ACOT2: variants seen among roughly 807,000 people sequenced by gnomAD.
ACOT2 encodes the protein acyl-coenzyme A thioesterase 2, mitochondrial.
Under a neutral mutation model 20.1 loss-of-function variants are expected in ACOT2, and 15 were observed. The observed-to-expected ratio is 0.75, with a 90% CI of 0.50 to 1.15. The LOEUF is 1.15. ACOT2 is among the 50% of genes most tolerant of loss of function. ACOT2 has a pLI of 0.00. For missense variants in ACOT2, 479 were observed against 615.3 expected (o/e 0.78, Z 2.34); for synonymous variants, 252 against 268.4 (o/e 0.94, Z 0.60).
chr14:73,575,612 A>G lies in ACOT2; in HGVS notation c.*99A>G. On this transcript the variant is annotated 3_prime_UTR_variant, in exon 3 of 3. Coordinates refer to ENST00000238651, the MANE Select transcript of ACOT2 (RefSeq NM_006821.6). ...TGTATTCATTCTTTTGTTTTTAATAACTAAAGTTTTTTCCCCTCATTATTA... is the reference window on the plus strand; with the variant it reads ...TGTATTCATTCTTTTGTTTTTAATAGCTAAAGTTTTTTCCCCTCATTATTA... 1 of 1,566,028 alleles carries G rather than the reference A, an allele frequency of 6.4e-7. No individual in the cohort carries two copies. The highest frequency in any genetic ancestry group is 1.2e-5 in the South Asian group (1 of 82,560).
chr14:73,569,536 C>T lies in ACOT2; in HGVS notation c.296C>T (p.Ser99Phe). Residue 99 changes from serine to phenylalanine, a missense_variant, in exon 1 of 3, where the codon TCC becomes TTC. Transcript: ENST00000238651. The part of the protein sequence containing the change: ...APEQPVTLRA[S>F]LRDEKGALFQ... ...GAGCAGCCGGTCACGCTGCGCGCGT[C>T]CCTGCGCGACGAGAAGGGCGCGCTT... 1 of 1,606,182 alleles carries T rather than the reference C, an allele frequency of 6.2e-7. No homozygotes were observed. The highest frequency in any genetic ancestry group is 8.5e-7 in the Non-Finnish European group (1 of 1,176,870).
chr14:73,572,174 G>GAAAT (rs33934735), intron 1 of ACOT2, among the ~76,000 whole-genome samples: 1 of 31,688 alleles, frequency 3.2e-5, no homozygotes, highest in Non-Finnish European at 4.8e-5. Flanking sequence ...CTTATAAGAG[G>GAAAT]CCAGATGAGC....
intron 1 of ACOT2, among the ~76,000 whole-genome samples, chr14:73,570,500 C>T (rs1323686164): frequency 6.6e-6 from 1 of 151,914 alleles, no homozygotes; most frequent in East Asian, 1.9e-4. Context: ...ACCCGGGAGG[C>T]AGAGTTTGTA....
upstream of ACOT2, chr14:73,567,733 C>G (rs150781079): frequency 2.0e-5 from 3 of 151,920 alleles, no homozygotes; most frequent in African/African-American, 7.2e-5. Context: ...GCTGTAACAC[C>G]GTGAAGGTAT....
At chr14:73,572,311 G>C (rs1889769110) in intron 1 of ACOT2, among the ~76,000 whole-genome samples, 1 of 150,806 alleles carries the variant, frequency 6.6e-6, no homozygotes, top group South Asian at 2.1e-4. Flanking sequence ...ACAGCTACAA[G>C]AATCAACATC....
rs1291612624 is a variant in ACOT2, at chr14:73,569,604, C to CTGGA, written c.365_368dup (p.Leu124GlyfsTer16). The CTGGA allele has an allele frequency of 6.2e-7, 1 of 1,601,442 alleles. No individual in the cohort carries two copies. The highest frequency in any genetic ancestry group is 8.5e-7 in the Non-Finnish European group (1 of 1,176,086). ...CTACCGCGCCGACACTCTTGGCGAG[C>CTGGA]TGGACCTGGAGCGCGCGCCCGCGCT... On this transcript the variant is annotated frameshift_variant, in exon 1 of 3. Coordinates refer to ENST00000238651, the MANE Select transcript of ACOT2 (RefSeq NM_006821.6). LOFTEE classifies it high-confidence loss of function.
At position 73,575,419 on chromosome 14, in the gene ACOT2, A is replaced by G; in HGVS notation, c.1358A>G (p.His453Arg). The G allele has an allele frequency of 1.5e-6, 2 of 1,343,710 alleles. No individual in the cohort carries two copies. Among genetic ancestry groups the G allele is most frequent in the Non-Finnish European group, 2.0e-6 (2 of 1,002,290 alleles). 83.2% of individuals were successfully genotyped at this position (1,343,710 alleles called of 1,614,324 possible). A position where few individuals can be genotyped will look rare whatever the true frequency, so the allele number is the denominator to read the frequency against. ...ATCTGGGGAGGGGAGCCCAGGGCTC[A>G]TGCCATGGCTCAGGTGGATGCTTGG... Reference protein sequence around the residue: ...PIIWGGEPRAHAMAQVDAWKQ... With the variant: ...PIIWGGEPRARAMAQVDAWKQ... The change falls in exon 3 of 3, where the codon CAT becomes CGT. Residue 453 changes from histidine to arginine, a missense_variant. His to Arg is a conservative substitution (Grantham distance 29, BLOSUM62 0). Coordinates refer to ENST00000238651, the MANE Select transcript of ACOT2 (RefSeq NM_006821.6).
chr14:73,570,855 A>C, intron 1 of ACOT2, among the ~76,000 whole-genome samples: 1 of 150,342 alleles, frequency 6.7e-6, no homozygotes, highest in South Asian at 2.1e-4. Flanking sequence ...CAGTGAGCTG[A>C]GATCATGCCA....
chr14:73,568,623 AAAT>A (rs1425879720), upstream of ACOT2, among the ~76,000 whole-genome samples: 3 of 152,048 alleles, frequency 2.0e-5, no homozygotes, highest in African/African-American at 7.2e-5. Flanking sequence ...CAGTAAAACA[AAAT>A]AATAACTATT....
At chr14:73,570,903 TAAA>T (rs56094300) in intron 1 of ACOT2, among the ~76,000 whole-genome samples, 2,061 of 137,246 alleles carry the variant, frequency 0.015, 30 homozygotes, top group African/African-American at 0.05. Flanking sequence ...GACTCTATCT[TAAA>T]AAAAAAAAAA....
chr14:73,570,405 TAA>T (rs1889702431), intron 1 of ACOT2, among the ~76,000 whole-genome samples: 1 of 151,632 alleles, frequency 6.6e-6, no homozygotes, highest in Non-Finnish European at 1.5e-5. Flanking sequence ...CCGTCTCTAC[TAA>T]AAATACAAAA....
At chr14:73,571,872 C>G (rs1889759275) in intron 1 of ACOT2, among the ~76,000 whole-genome samples, 1 of 152,018 alleles carries the variant, frequency 6.6e-6, no homozygotes, top group African/African-American at 2.4e-5. Context: ...TTTGAGGTTA[C>G]TGGATACTTT....
rs1204537991 is a variant in ACOT2, at chr14:73,575,099, G to A, written c.1038G>A (p.Val346=). Residue 346 remains valine, a synonymous_variant, in exon 3 of 3, where the codon GTG becomes GTA. Transcript: ENST00000238651. ...GCGTCAACAGAAATCGCATCAAGGT[G>A]ACCAAAGATGGCTATGCAGACATTG... ...PVGVNRNRIK[V]TKDGYADIVD... The A allele has an allele frequency of 7.1e-7, 1 of 1,399,074 alleles. No individual in the cohort carries two copies. Among genetic ancestry groups the A allele is most frequent in the Non-Finnish European group, 9.8e-7 (1 of 1,017,946 alleles). The allele number at this position is 1,399,074 out of a possible 1,614,324, so 86.7% of individuals were successfully genotyped here. A position where few individuals can be genotyped will look rare whatever the true frequency, so the allele number is the denominator to read the frequency against.
chr14:73,570,399 C>G (rs1375193539), intron 1 of ACOT2, among the ~76,000 whole-genome samples: 1 of 151,864 alleles, frequency 6.6e-6, no homozygotes. Flanking sequence ...GAAACCCCGT[C>G]TCTACTAAAA....
chr14:73,570,675 C>T (rs570567231), intron 1 of ACOT2, among the ~76,000 whole-genome samples: 20 of 152,108 alleles, frequency 1.3e-4, no homozygotes, highest in African/African-American at 4.8e-4. Context: ...GAGGCCGAGG[C>T]CGGCGGATCA....
chr14:73,569,654 G>A lies in ACOT2; in HGVS notation c.414G>A (p.Glu138=), dbSNP rs763210244. The change falls in exon 1 of 3, where the codon GAG becomes GAA. Residue 138 remains glutamate (E), a synonymous_variant. Coordinates refer to ENST00000238651, the MANE Select transcript of ACOT2 (RefSeq NM_006821.6). Reference sequence around the variant, plus strand: ...TGGGCGGCAGCTTCGCGGGGCTTGAGCCCATGGGGCTGCTCTGGGCCTTGG... The same window carrying A: ...TGGGCGGCAGCTTCGCGGGGCTTGAACCCATGGGGCTGCTCTGGGCCTTGG... ...PALGGSFAGL[E]PMGLLWALEP... 2 of 1,605,842 alleles carry A rather than the reference G, an allele frequency of 1.2e-6. No individual in the cohort carries two copies. Among genetic ancestry groups the A allele is most frequent in the African/African-American group, 1.3e-5 (1 of 74,612 alleles).
At chr14:73,568,823 A>C (rs1440340801), upstream of ACOT2, among the ~76,000 whole-genome samples, 2 of 152,070 alleles carry the variant, frequency 1.3e-5, no homozygotes, top group Non-Finnish European at 2.9e-5. Flanking sequence ...TGTGGGATTG[A>C]TGTGGAGGAT....
intron 1 of ACOT2, among the ~76,000 whole-genome samples, chr14:73,572,517 A>G (rs1032698721): frequency 4.6e-5 from 7 of 151,496 alleles, no homozygotes; most frequent in Non-Finnish European, 7.4e-5. Flanking sequence ...ACCAAGAGTG[A>G]TACACAGAAA....
chr14:73,569,869 T>A lies in ACOT2; in HGVS notation c.629T>A (p.Leu210His). 1 of 1,604,802 alleles carries A rather than the reference T, an allele frequency of 6.2e-7. No individual in the cohort carries two copies. Among genetic ancestry groups the A allele is most frequent in the South Asian group, 1.1e-5 (1 of 90,178 alleles). Reference protein sequence around the residue: ...PVRVGRVRGTLFLPPEPGPFP... With the variant: ...PVRVGRVRGTHFLPPEPGPFP... ...CGCGTGGGCCGGGTGCGAGGCACGC[T>A]CTTCCTGCCGCCAGGTGACTCACCT... Residue 210 changes from leucine (L) to histidine (H), a missense_variant, in exon 1 of 3, where the codon CTC becomes CAC. Physicochemically the swap from Leu to His is moderately conservative, Grantham distance 99 (BLOSUM62 -3). This residue lies in a region of ACOT2 where 400 missense variants were observed against 395.5 expected (regional missense o/e 1.01). Transcript: ENST00000238651.
Sources: allele counts gnomAD v4.1 joint callset (sites outside exome capture counted in the v4.1 genomes callset), GRCh38; gene constraint gnomAD v4.1.1; regional missense constraint gnomAD v4.1.1; transcripts MANE v1.5; gene names NCBI Gene and HGNC (gene_info 2026-07-23, HGNC 2026-07-21).